PRKAR1B: variants seen among roughly 807,000 people sequenced by gnomAD.
The protein encoded by PRKAR1B is protein kinase cAMP-dependent type I regulatory subunit beta.
A neutral mutation model predicts 46.5 loss-of-function variants in PRKAR1B; 22 were observed. That is an observed-to-expected ratio of 0.47 (90% CI 0.34 to 0.68). The LOEUF is 0.68. Among genes scored for constraint, PRKAR1B ranks in the 30% least tolerant of loss-of-function variants. The probability of loss-of-function intolerance (pLI) is 0.01; values close to 1 mark genes in which losing one functional copy is unlikely to be tolerated. For synonymous variants in PRKAR1B, 259 were observed against 217.7 expected, an observed-to-expected ratio of 1.19 and a Z score of -1.67; for missense variants, 445 against 535.6, an observed-to-expected ratio of 0.83 and a Z score of 1.67.
chr7:686,723 C>T (rs996819222), intron 2 of PRKAR1B, among the ~76,000 whole-genome samples: 13 of 151,854 alleles, frequency 8.6e-5, no homozygotes, highest in Admixed American at 3.9e-4. Flanking sequence ...AGAGAGCTAC[C>T]ACAGCAGAGA....
intron 4 of PRKAR1B, among the ~76,000 whole-genome samples, chr7:635,950 C>T (rs1784033558): frequency 8.3e-6 from 1 of 119,912 alleles, no homozygotes; most frequent in African/African-American, 3.0e-5. Flanking sequence ...ACACATCCTC[C>T]ACCGGCCGCG....
upstream of PRKAR1B, chr7:727,430 AC>A (rs1476764835): frequency 3.1e-5 from 11 of 352,202 alleles, no homozygotes; most frequent in African/African-American, 1.8e-4. Flanking sequence ...CCACGCCCGC[AC>A]CCCCCAACAT....
At chr7:669,883 T>TTTTTTTTTTTTTG (rs770566286) in intron 4 of PRKAR1B, among the ~76,000 whole-genome samples, 1 of 144,738 alleles carries the variant, frequency 6.9e-6, no homozygotes. Context: ...TTTTTTTTTT[T>TTTTTTTTTTTTTG]GAGACGGAGT....
chr7:583,050 G>A (rs1161312912), intron 8 of PRKAR1B, among the ~76,000 whole-genome samples: 1 of 152,094 alleles, frequency 6.6e-6, no homozygotes, highest in Non-Finnish European at 1.5e-5. Context: ...TCCGGGGGCT[G>A]CCAGGGCCGG....
At chr7:677,058 C>G (rs555352936) in intron 4 of PRKAR1B, among the ~76,000 whole-genome samples, 171 bp downstream of exon 4, 3 of 152,208 alleles carry the variant, frequency 2.0e-5, no homozygotes, top group African/African-American at 7.2e-5. Flanking sequence ...CTGCCCACCT[C>G]CCGGAGGCCG....
At chr7:582,252 C>T (rs1247543627) in intron 8 of PRKAR1B, among the ~76,000 whole-genome samples, 4 of 152,252 alleles carry the variant, frequency 2.6e-5, no homozygotes, top group African/African-American at 7.2e-5. Flanking sequence ...GGTCTCCTGT[C>T]CTAGGGGCCG....
intron 9 of PRKAR1B, among the ~76,000 whole-genome samples, chr7:566,475 TGTC>T (rs1357986958): frequency 7.1e-3 from 62 of 8,774 alleles, no homozygotes; most frequent in African/African-American, 0.023. Context: ...CCATGACCAT[TGTC>T]ATCATCATCA....
chr7:676,069 G>A (rs975430931), intron 4 of PRKAR1B, among the ~76,000 whole-genome samples: 2 of 152,134 alleles, frequency 1.3e-5, no homozygotes, highest in Non-Finnish European at 2.9e-5. Context: ...AAGGTGTTGA[G>A]GACGCCCCGA....
intron 8 of PRKAR1B, 131 bp from the exon 9 acceptor site, chr7:579,508 A>T (rs897902688): frequency 1.7e-6 from 2 of 1,208,578 alleles, no homozygotes; most frequent in Non-Finnish European, 2.3e-6. Flanking sequence ...GTGACCAGTA[A>T]GCTGCATAAG....
At position 557,838 on chromosome 7, in the gene PRKAR1B, C is replaced by T. The variant is rs568214071; in HGVS notation, c.892-6368G>A. Among the ~76,000 whole-genome samples, 146 of 152,174 alleles carry T rather than the reference C, an allele frequency of 9.6e-4. 1 individual carries two copies. The highest frequency in any genetic ancestry group is 3.3e-3 in the South Asian group (16 of 4,806). On this transcript the variant is annotated intron_variant, in intron 9 of 10. Coordinates refer to ENST00000537384, the MANE Select transcript of PRKAR1B (RefSeq NM_001164760.2). The stretch of plus-strand genomic sequence containing the variant: ...TTTTGGGCTGGAAAAACATGCTTGC[C>T]AAAACTCTAGGTCATACTCCCCAAA...
At chr7:651,996 A>C (rs577851159) in intron 4 of PRKAR1B, among the ~76,000 whole-genome samples, 2 of 49,356 alleles carry the variant, frequency 4.1e-5, no homozygotes, top group Admixed American at 2.1e-4. Context: ...ACCCACACGG[A>C]GCTAGGAACC....
At chr7:615,662 A>G (rs1156409607) in intron 4 of PRKAR1B, among the ~76,000 whole-genome samples, 1 of 145,892 alleles carries the variant, frequency 6.9e-6, no homozygotes, top group Non-Finnish European at 1.5e-5. Context: ...CATCTCTACT[A>G]AAAATACAAA....
At chr7:630,761 ACTCAG>A (rs1472685697) in intron 4 of PRKAR1B, among the ~76,000 whole-genome samples, 2 of 151,644 alleles carry the variant, frequency 1.3e-5, no homozygotes, top group South Asian at 4.2e-4. Context: ...GGGATTGCAA[ACTCAG>A]CCACCCCCAG....
intron 7 of PRKAR1B, among the ~76,000 whole-genome samples, chr7:592,431 C>A (rs112359212): frequency 6.6e-6 from 1 of 152,080 alleles, no homozygotes; most frequent in Non-Finnish European, 1.5e-5. Context: ...CCTGGCCCCA[C>A]TGGCTGTGCC....
chr7:722,200 A>T (rs907070264), intron 1 of PRKAR1B, among the ~76,000 whole-genome samples: 3 of 142,198 alleles, frequency 2.1e-5, no homozygotes, highest in Admixed American at 7.8e-5. Flanking sequence ...TCCTGGGTTC[A>T]GGCAATTCTC....
intron 9 of PRKAR1B, chr7:578,828 T>C (rs368263610): frequency 1.2e-4 from 32 of 274,328 alleles, no homozygotes; most frequent in African/African-American, 6.4e-4. Flanking sequence ...ATTACAGGCA[T>C]GTGCCACCAC....
chr7:573,116 C>T (rs1779619536), intron 9 of PRKAR1B, among the ~76,000 whole-genome samples: 1 of 152,198 alleles, frequency 6.6e-6, no homozygotes, highest in African/African-American at 2.4e-5. Context: ...CGAAGCGCGT[C>T]GGTTCCGAGC....
chr7:624,582 A>G (rs537779987), intron 4 of PRKAR1B, among the ~76,000 whole-genome samples: 10 of 152,338 alleles, frequency 6.6e-5, no homozygotes, highest in Non-Finnish European at 2.9e-5. Flanking sequence ...TGAAATATGC[A>G]ATAGTTGGTG....
Position 602,455 on chromosome 7 carries a change from G to C in PRKAR1B, c.549+3738C>G, listed in dbSNP as rs1434676238. 1.2e-5 allele frequency: 2 copies of C among 168,752 alleles called. No individual in the cohort carries two copies. The highest frequency in any genetic ancestry group is 1.3e-4 in the Admixed American group (2 of 15,290). 10.5% of individuals were successfully genotyped at this position (168,752 alleles called of 1,614,324 possible). On this transcript the variant is annotated intron_variant, in intron 6 of 10. Transcript: ENST00000537384. This position sits in a 1 kb window ranked among gnomAD's most constrained non-coding sequence, Gnocchi z 6.4. ...CTCCCGGCCCCTTTGCCGAGGTCCTGGCCCAGGTGGGGCTCCCGGGAGCCT... is the reference window on the plus strand; with the variant it reads ...CTCCCGGCCCCTTTGCCGAGGTCCTCGCCCAGGTGGGGCTCCCGGGAGCCT...
Sources: gnomAD v4.1 joint callset for allele counts (sites outside exome capture counted in the v4.1 genomes callset) on GRCh38, gnomAD v4.1.1 for gene constraint, Gnocchi (gnomAD v3.1) non-coding constraint, MANE v1.5 for transcripts, NCBI Gene and HGNC (gene_info 2026-07-23, HGNC 2026-07-21) for gene names.